The following SPATA6L variants were observed in gnomAD, a reference collection of about 807,000 sequenced individuals.
SPATA6L encodes the protein spermatogenesis associated 6-like protein.
In SPATA6L, 68 loss-of-function variants were observed where a neutral mutation model predicts 49.2. The ratio of observed to expected loss-of-function variants is 1.38; its 90% CI spans 1.14 to 1.69. The LOEUF is 1.69. SPATA6L is among the 40% of genes most tolerant of loss of function. SPATA6L has a pLI of 0.00. For synonymous variants in SPATA6L, 198 were observed against 165.7 expected (o/e 1.19, Z -1.50); for missense variants, 668 against 464.3 (o/e 1.44, Z -4.03).
At chr9:4,647,287 A>G (rs1835615471) in intron 3 of SPATA6L, among the ~76,000 whole-genome samples, 1 of 152,190 alleles carries the variant, frequency 6.6e-6, no homozygotes, top group African/African-American at 2.4e-5. Flanking sequence ...TATACAAATT[A>G]TACATAAAAT....
downstream of SPATA6L, among the ~76,000 whole-genome samples, chr9:4,593,802 T>G (rs1290382716): frequency 6.6e-6 from 1 of 152,196 alleles, no homozygotes; most frequent in Non-Finnish European, 1.5e-5. Flanking sequence ...CCTGACCGTT[T>G]TCCACCACTC....
At position 4,662,034 on chromosome 9, in the gene SPATA6L, A is replaced by T. The variant is rs557393965; in HGVS notation, c.42T>A (p.Ile14=). 1 of 1,613,310 alleles carries T rather than the reference A, an allele frequency of 6.2e-7. No homozygotes were observed. Among genetic ancestry groups the T allele is most frequent in the Non-Finnish European group, 8.5e-7 (1 of 1,179,736 alleles). ...CAGGCAGGAACACTCCTGGGCAAGAAATCTTAAAAAGAAAGAAAACAACAA... is the reference window on the plus strand; with the variant it reads ...CAGGCAGGAACACTCCTGGGCAAGATATCTTAAAAAGAAAGAAAACAACAA... The part of the protein sequence containing the change: ...EVVVELQIRA[I]SCPGVFLPGK... Residue 14 remains isoleucine (I), a splice_region_variant and synonymous_variant, in exon 2 of 12, where the codon ATT becomes ATA. Coordinates refer to ENST00000682582, the MANE Select transcript of SPATA6L (RefSeq NM_001353486.2). This position sits in a 1 kb window ranked among gnomAD's most constrained non-coding sequence, Gnocchi z 4.9.
chr9:4,594,034 C>G (rs561177566), downstream of SPATA6L, among the ~76,000 whole-genome samples: 7 of 152,326 alleles, frequency 4.6e-5, no homozygotes, highest in South Asian at 6.2e-4. Flanking sequence ...AAGTCTACAG[C>G]TGCCCTTGGT....
At chr9:4,661,821 G>T (rs757051916) in intron 2 of SPATA6L, 78 bp downstream of exon 2, 16 of 1,503,118 alleles carry the variant, frequency 1.1e-5, no homozygotes, top group Non-Finnish European at 1.4e-5. Context: ...ACCAAATAAT[G>T]CTGTAAGAAC....
At chr9:4,644,924 C>T (rs1835012041) in intron 3 of SPATA6L, among the ~76,000 whole-genome samples, 1 of 152,168 alleles carries the variant, frequency 6.6e-6, no homozygotes, top group African/African-American at 2.4e-5. Flanking sequence ...CACAGACTTT[C>T]TGTAAAGGGT....
chr9:4,664,908 G>A (rs1294801258), intron 1 of SPATA6L: 1 of 167,092 alleles, frequency 6.0e-6, no homozygotes, highest in Non-Finnish European at 1.5e-5. Flanking sequence ...CAGCTAAACT[G>A]TGAAGCTCTA....
At chr9:4,623,342 T>C (rs771343787) in intron 6 of SPATA6L, among the ~76,000 whole-genome samples, 12 of 152,178 alleles carry the variant, frequency 7.9e-5, no homozygotes, top group Non-Finnish European at 1.5e-4. Context: ...TTATTTATCT[T>C]TGGTGACTGA....
chr9:4,654,155 T>C (rs7026191), intron 3 of SPATA6L, among the ~76,000 whole-genome samples: 6,311 of 152,206 alleles, frequency 0.041, 272 homozygotes, highest in African/African-American at 0.09. Flanking sequence ...CAATAACAAG[T>C]GTCGGCCAGG....
intron 3 of SPATA6L, chr9:4,646,600 A>C: frequency 2.3e-6 from 2 of 887,896 alleles, no homozygotes; most frequent in South Asian, 2.1e-5. Flanking sequence ...TTAAGTTTTA[A>C]ACTGTCATAA....
chr9:4,635,267 T>C lies in SPATA6L; in HGVS notation c.351+8A>G. On this transcript the variant is annotated splice_region_variant and intron_variant, in intron 4 of 11. Transcript: ENST00000682582. ...TAATAGAAGCCCAGATGAGCATGAA[T>C]CACTTACTGGAAAACCCAGAGCCGT... The C allele has an allele frequency of 6.6e-7, 1 of 1,509,870 alleles. No homozygotes were observed. The highest frequency in any genetic ancestry group is 1.5e-5 in the African/African-American group (1 of 68,290). 93.5% of individuals were successfully genotyped at this position (1,509,870 alleles called of 1,614,324 possible). A position where few individuals can be genotyped will look rare whatever the true frequency, so the allele number is the denominator to read the frequency against.
chr9:4,649,080 C>G (rs1037297790), intron 3 of SPATA6L, among the ~76,000 whole-genome samples: 1 of 151,966 alleles, frequency 6.6e-6, no homozygotes, highest in Non-Finnish European at 1.5e-5. Context: ...CACACACACA[C>G]ACACACACAC....
In SPATA6L at chr9:4,662,758, G is replaced by T. The variant is rs778205533; in HGVS notation, c.40-722C>A. On this transcript the variant is annotated intron_variant, in intron 1 of 11. Coordinates refer to ENST00000682582, the MANE Select transcript of SPATA6L (RefSeq NM_001353486.2). This position sits in a 1 kb window ranked among gnomAD's most constrained non-coding sequence, Gnocchi z 4.9. Reference sequence around the variant, plus strand: ...TGCGCGGGAGAGAGCTCGTCGTGGGGCAGCGTGCGACCCCTTATGAAGCTG... The same window carrying T: ...TGCGCGGGAGAGAGCTCGTCGTGGGTCAGCGTGCGACCCCTTATGAAGCTG... The T allele has an allele frequency of 2.5e-6, 4 of 1,604,338 alleles. 1 individual carries two copies. The South Asian group carries it at 3.3e-5, about 13-fold the overall frequency.
At chr9:4,621,300 C>T in intron 7 of SPATA6L, among the ~76,000 whole-genome samples, 1 of 152,182 alleles carries the variant, frequency 6.6e-6, no homozygotes, top group Non-Finnish European at 1.5e-5. Context: ...AATGTGTGGT[C>T]CAGGGATCTC....
rs965917635 is a variant in SPATA6L, at chr9:4,662,400, G to A, written c.40-364C>T. On this transcript the variant is annotated intron_variant, in intron 1 of 11. Transcript: ENST00000682582. This position sits in a 1 kb window ranked among gnomAD's most constrained non-coding sequence, Gnocchi z 4.9. ...GATGCCAAGTCCCCGGAGGAGCATG[G>A]AGGGACGGCCGCTGGGCGTCTCCGC... 3.9e-6 allele frequency: 6 copies of A among 1,535,332 alleles called. No individual in the cohort carries two copies. Among genetic ancestry groups the A allele is most frequent in the Non-Finnish European group, 5.2e-6 (6 of 1,148,778 alleles).
In SPATA6L at chr9:4,638,780, CTTTTCTTTTCTTTTTTT is replaced by C. The variant is rs879431923; in HGVS notation, c.227-3398_227-3382del. 9.6e-3 allele frequency among the ~76,000 whole-genome samples: 1,371 copies of C among 143,208 alleles called. 17 individuals are homozygous for C. The highest frequency in any genetic ancestry group is 0.037 in the African/African-American group (1,305 of 34,820). 94.0% of individuals were successfully genotyped at this position (143,208 alleles called of 152,430 possible). A position where few individuals can be genotyped will look rare whatever the true frequency, so the allele number is the denominator to read the frequency against. ...GTTAAGAACTCTTTTCTTTTCTTTT[CTTTTCTTTTCTTTTTTT>C]TTTTTGAGATGGAGTCTCGCCCTGT... On this transcript the variant is annotated intron_variant, in intron 3 of 11. Coordinates refer to ENST00000682582, the MANE Select transcript of SPATA6L (RefSeq NM_001353486.2).
chr9:4,663,609 T>C, intron 1 of SPATA6L: 1 of 251,670 alleles, frequency 4.0e-6, no homozygotes. Flanking sequence ...TGATAATCCC[T>C]AAATCAACAT....
chr9:4,656,450 AAGGAAGGAAGG>A (rs1563716174), intron 2 of SPATA6L, among the ~76,000 whole-genome samples: 167 of 121,850 alleles, frequency 1.4e-3, no homozygotes, highest in Middle Eastern at 4.2e-3. Context: ...GAAAGGAAGG[AAGGAAGGAAGG>A]AAGGAAGGAA....
chr9:4,617,391 G>C (rs1225926381), intron 9 of SPATA6L: 1 of 152,226 alleles, frequency 6.6e-6, no homozygotes, highest in African/African-American at 2.4e-5. Context: ...AAGCAAACCA[G>C]TGGTTACTTA....
At position 4,600,043 on chromosome 9, in the gene SPATA6L, A is replaced by C. The variant is rs1822836300; in HGVS notation, c.*768T>G. Among the ~76,000 whole-genome samples the C allele has an allele frequency of 1.3e-5, 2 of 152,170 alleles. No individual in the cohort carries two copies. The highest frequency in any genetic ancestry group is 4.1e-4 in the South Asian group (2 of 4,832). The stretch of plus-strand genomic sequence containing the variant: ...AGATGCACCTTCCTAACTAACTTTA[A>C]AACCTGGCATTGGCAGTCCTATCTG... On this transcript the variant is annotated 3_prime_UTR_variant, in exon 12 of 12. Coordinates refer to ENST00000682582, the MANE Select transcript of SPATA6L (RefSeq NM_001353486.2).
Sources: allele counts gnomAD v4.1 joint callset (sites outside exome capture counted in the v4.1 genomes callset), GRCh38; gene constraint gnomAD v4.1.1; non-coding constraint Gnocchi (gnomAD v3.1); transcripts MANE v1.5; gene names NCBI Gene and HGNC (gene_info 2026-07-23, HGNC 2026-07-21).